SIN3A: variants seen among roughly 807,000 people sequenced by gnomAD.
SIN3A encodes paired amphipathic helix protein Sin3a.
SIN3A carries 14 observed loss-of-function variants against 146.1 expected under a neutral mutation model. The ratio of observed to expected loss-of-function variants is 0.10; its 90% CI spans 0.06 to 0.15. SIN3A has a LOEUF of 0.15. Ranked by LOEUF, SIN3A falls within the 10% of genes least tolerant of loss-of-function variation. SIN3A has a pLI of 1.00. For synonymous variants in SIN3A, 572 were observed against 572.0 expected (o/e 1.00, Z 0.00); for missense variants, 1,028 against 1,576.0 (o/e 0.65, Z 5.89).
At position 75,443,952 on chromosome 15, in the gene SIN3A, C is replaced by A. The variant is rs1387048065; in HGVS notation, c.-34+7471G>T. On this transcript the variant is annotated intron_variant, in intron 1 of 20. Coordinates refer to ENST00000394947, the MANE Select transcript of SIN3A (RefSeq NM_001145358.2). ...AAACTAATGATTTATTTCACTACTG[C>A]ATATCCTTTTAAGCAATTCTATAAT... 2.6e-5 allele frequency among the ~76,000 whole-genome samples: 4 copies of A among 152,306 alleles called. No homozygotes were observed. In the East Asian group the frequency reaches 7.7e-4, roughly 29 times the overall value.
chr15:75,423,668 A>G (rs1018786664), intron 2 of SIN3A, among the ~76,000 whole-genome samples: 1 of 152,016 alleles, frequency 6.6e-6, no homozygotes, highest in Non-Finnish European at 1.5e-5. Context: ...ACAAAGCAAG[A>G]CTCCATCTCA....
rs12591076 is a variant in SIN3A at position 75,427,919 on chromosome 15, C to T, written c.189+2268G>A. Among the ~76,000 whole-genome samples, 1,296 of 151,492 alleles carry T rather than the reference C, an allele frequency of 8.6e-3. 36 individuals are homozygous for T. The East Asian group carries it at 0.11, about 12-fold the overall frequency. On this transcript the variant is annotated intron_variant, in intron 2 of 20. Transcript: ENST00000394947. The stretch of plus-strand genomic sequence containing the variant: ...CCGGGAGGCAGAGGTTGCAGTGGGC[C>T]GAGATCGCACCACTGCACTCCAGCC...
At chr15:75,447,272 T>C (rs1483824286) in intron 1 of SIN3A, among the ~76,000 whole-genome samples, 2 of 152,240 alleles carry the variant, frequency 1.3e-5, no homozygotes, top group Non-Finnish European at 2.9e-5. Context: ...AGGCACTGAC[T>C]AGGGCAGTGG....
At chr15:75,455,279 G>A (rs2074473172), upstream of SIN3A, among the ~76,000 whole-genome samples, 1 of 152,158 alleles carries the variant, frequency 6.6e-6, no homozygotes, top group African/African-American at 2.4e-5. Flanking sequence ...AGCGCCGCGA[G>A]CTCAGTGGGC....
intron 3 of SIN3A, among the ~76,000 whole-genome samples, chr15:75,416,475 G>A (rs1362803511): frequency 1.3e-5 from 2 of 152,104 alleles, no homozygotes; most frequent in Admixed American, 6.6e-5. Context: ...ACAGGCACCC[G>A]CCAGCATGCC....
At chr15:75,418,291 A>G (rs919592560) in intron 3 of SIN3A, among the ~76,000 whole-genome samples, 1 of 150,614 alleles carries the variant, frequency 6.6e-6, no homozygotes, top group Admixed American at 6.6e-5. Flanking sequence ...CGGCCTCCCA[A>G]CGTGCTGGGA....
chr15:75,382,586 A>AT (rs2072992824), intron 17 of SIN3A, among the ~76,000 whole-genome samples: 1 of 152,200 alleles, frequency 6.6e-6, no homozygotes, highest in East Asian at 1.9e-4. Flanking sequence ...TAAAAAGTGA[A>AT]TATCAAATAG....
At chr15:75,404,455 A>G (rs1050665287) in intron 9 of SIN3A, among the ~76,000 whole-genome samples, 6 of 152,154 alleles carry the variant, frequency 3.9e-5, no homozygotes, top group African/African-American at 1.2e-4. Context: ...TTTAAGAAAA[A>G]GTACTAAGAA....
chr15:75,434,310 A>G (rs2074063776), intron 1 of SIN3A, among the ~76,000 whole-genome samples: 1 of 152,222 alleles, frequency 6.6e-6, no homozygotes, highest in African/African-American at 2.4e-5. Context: ...AGATGATTTC[A>G]GCCCTTGCCC....
chr15:75,427,330 G>A (rs1451209525), intron 2 of SIN3A, among the ~76,000 whole-genome samples: 1 of 150,936 alleles, frequency 6.6e-6, no homozygotes, highest in Non-Finnish European at 1.5e-5. Flanking sequence ...CCAAGATCAC[G>A]CCACTGCACT....
chr15:75,451,787 C>T (rs1184675962), upstream of SIN3A: 1 of 151,810 alleles, frequency 6.6e-6, no homozygotes, highest in Non-Finnish European at 1.5e-5. Context: ...GTCAAAGACT[C>T]AGCCAACCAC....
chr15:75,395,320 G>A (rs1446405948), intron 13 of SIN3A, among the ~76,000 whole-genome samples: 2 of 152,066 alleles, frequency 1.3e-5, no homozygotes, highest in Admixed American at 6.6e-5. Flanking sequence ...GAAGAGAACA[G>A]ACTAAGACAA....
At chr15:75,407,283 T>G (rs2141477204) in intron 8 of SIN3A, 139 bp from the exon 9 acceptor site, 1 of 597,104 alleles carries the variant, frequency 1.7e-6, no homozygotes, top group East Asian at 2.9e-5. Flanking sequence ...TCTAACCAAC[T>G]CACTCCATAC....
chr15:75,408,105 T>G (rs758826008), intron 8 of SIN3A, among the ~76,000 whole-genome samples: 1 of 152,058 alleles, frequency 6.6e-6, no homozygotes, highest in Non-Finnish European at 1.5e-5. Flanking sequence ...GAGTATACTT[T>G]CTTAAGAGCC....
intron 19 of SIN3A, among the ~76,000 whole-genome samples, chr15:75,377,618 C>T (rs28415180): frequency 8.2e-4 from 123 of 149,210 alleles, no homozygotes; most frequent in African/African-American, 3.0e-3. Flanking sequence ...GAGTGAGACT[C>T]TGCCTCAAAA....
At chr15:75,434,380 T>C (rs2074065648) in intron 1 of SIN3A, among the ~76,000 whole-genome samples, 1 of 152,184 alleles carries the variant, frequency 6.6e-6, no homozygotes, top group Admixed American at 6.5e-5. Context: ...CCGGGCGCGG[T>C]GGCTCATGCC....
chr15:75,394,004 C>T (rs983931113), intron 14 of SIN3A, among the ~76,000 whole-genome samples: 6 of 152,124 alleles, frequency 3.9e-5, no homozygotes, highest in East Asian at 1.9e-4. Flanking sequence ...GACGGGGTTT[C>T]GTCATGTTGG....
At chr15:75,418,242 G>A (rs961577005) in intron 3 of SIN3A, among the ~76,000 whole-genome samples, 5 of 152,028 alleles carry the variant, frequency 3.3e-5, no homozygotes, top group Non-Finnish European at 2.9e-5. Flanking sequence ...ATGTTGGCCA[G>A]GCTGGTCTCA....
rs2074281065 is a variant in SIN3A at position 75,445,075 on chromosome 15, T to C, written c.-34+6348A>G. ...CCCTATCTCTATTTAATATAAGAAA[T>C]ATAATCTTTCAAAATATCTATAAGG... On this transcript the variant is annotated intron_variant, in intron 1 of 20. Coordinates refer to ENST00000394947, the MANE Select transcript of SIN3A (RefSeq NM_001145358.2). Among the ~76,000 whole-genome samples, 4 of 151,056 alleles carry C rather than the reference T, an allele frequency of 2.6e-5. No individual in the cohort carries two copies. In the South Asian group the frequency reaches 8.4e-4, roughly 32 times the overall value.
Sources: gnomAD v4.1 joint callset for allele counts (sites outside exome capture counted in the v4.1 genomes callset) on GRCh38, gnomAD v4.1.1 for gene constraint, MANE v1.5 for transcripts, NCBI Gene and HGNC (gene_info 2026-07-23, HGNC 2026-07-21) for gene names.